Variants in SLC39A10 observed in about 807,000 individuals in gnomAD.
The protein encoded by SLC39A10 is solute carrier family 39 member 10.
A neutral mutation model predicts 65.1 loss-of-function variants in SLC39A10; 13 were observed. The observed-to-expected ratio is 0.20, with a 90% CI of 0.13 to 0.32. The LOEUF is 0.32. Among genes scored for constraint, SLC39A10 ranks in the 10% least tolerant of loss-of-function variants. The pLI is 1.00. For synonymous variants in SLC39A10, 321 were observed against 342.2 expected (o/e 0.94, Z 0.68); for missense variants, 831 against 1,018.4 (o/e 0.82, Z 2.50).
intron 2 of SLC39A10, among the ~76,000 whole-genome samples, chr2:195,644,587 G>A (rs1356971371): frequency 2.0e-5 from 3 of 151,542 alleles, no homozygotes; most frequent in Admixed American, 6.6e-5. Context: ...TGATCCGCCC[G>A]CTTCGGCCTC....
Position 195,723,272 on chromosome 2 carries a change from C to T in SLC39A10, c.2147-4887C>T, listed in dbSNP as rs144159918. Among the ~76,000 whole-genome samples, 257 of 152,156 alleles carry T rather than the reference C, an allele frequency of 1.7e-3. 1 individual carries two copies. The highest frequency in any genetic ancestry group is 5.9e-3 in the African/African-American group (246 of 41,518). ...TCACTACTCTCTTTTCTGTGTTTGC[C>T]GAACTTATGTAGCTGAATTTAAGTT... On this transcript the variant is annotated intron_variant, in intron 8 of 9. Transcript: ENST00000359634.
At chr2:195,657,461 G>A in intron 1 of SLC39A10, 180 bp downstream of exon 1, 1 of 985,942 alleles carries the variant, frequency 1.0e-6, no homozygotes, top group Non-Finnish European at 1.2e-6. Context: ...AGTCGGCGGC[G>A]GCCAGCCGAA....
chr2:195,680,543 T>G lies in SLC39A10; in HGVS notation c.501T>G (p.Asp167Glu). ...KETVEVSVKS[D>E]DKHMHDHNHR... The stretch of plus-strand genomic sequence containing the variant: ...CAGTTGAAGTGTCTGTAAAATCTGA[T>G]GATAAACATATGCATGACCATAATC... Residue 167 changes from aspartate to glutamate, a missense_variant, in exon 2 of 10, where the codon GAT (aspartate) becomes GAG (glutamate). By Grantham distance (45) the Asp-to-Glu change is conservative. Around this residue, in one of 4 missense-constraint regions of SLC39A10, gnomAD observed 446 missense variants for 499.2 expected, o/e 0.89. Coordinates refer to ENST00000359634, the MANE Select transcript of SLC39A10 (RefSeq NM_020342.3). 6.2e-7 allele frequency: 1 copy of G among 1,614,164 alleles called. No homozygotes were observed. The highest frequency in any genetic ancestry group is 1.1e-5 in the South Asian group (1 of 91,076).
At chr2:195,643,750 G>A (rs1688856050) in intron 2 of SLC39A10, among the ~76,000 whole-genome samples, 1 of 152,182 alleles carries the variant, frequency 6.6e-6, no homozygotes, top group Admixed American at 6.5e-5. Context: ...CCCCAAACTG[G>A]TAAAATTCTA....
intron 1 of SLC39A10, among the ~76,000 whole-genome samples, chr2:195,676,632 A>C (rs1218025393): frequency 6.6e-6 from 1 of 151,902 alleles, no homozygotes. Flanking sequence ...CTCTTTCAGA[A>C]CTCTGTTCCA....
chr2:195,658,668 T>C (rs918892297), intron 1 of SLC39A10: 1 of 152,228 alleles, frequency 6.6e-6, no homozygotes, highest in African/African-American at 2.4e-5. Flanking sequence ...AAGACTCCTG[T>C]GTATTGTTTT....
At chr2:195,722,552 A>G (rs969002256) in intron 8 of SLC39A10, among the ~76,000 whole-genome samples, 5 of 152,332 alleles carry the variant, frequency 3.3e-5, no homozygotes, top group East Asian at 1.9e-4. Flanking sequence ...CAGATCATCT[A>G]TTCTTACTCG....
chr2:195,720,602 A>C lies in SLC39A10; in HGVS notation c.2146+2270A>C, dbSNP rs1324604648. On this transcript the variant is annotated intron_variant, in intron 8 of 9. Coordinates refer to ENST00000359634, the MANE Select transcript of SLC39A10 (RefSeq NM_020342.3). ...CATTTTGAATAGAACTTATCATATA[A>C]ATTTCTTGAAAAATCAATAACTTCT... Among the ~76,000 whole-genome samples the C allele has an allele frequency of 4.6e-5, 7 of 152,356 alleles. No homozygotes were observed. The East Asian group carries it at 1.2e-3, about 25-fold the overall frequency.
At position 195,717,155 on chromosome 2, in the gene SLC39A10, C is replaced by T. The variant is rs1050255469; in HGVS notation, c.2065+150C>T. ...GCTACAGTTTTGTGTTCAGTTGTTA[C>T]ATTTGGAGGTGTAAGGGTATAATTT... is the stretch of plus-strand genomic sequence containing the variant. On this transcript the variant is annotated intron_variant, in intron 7 of 9. Transcript: ENST00000359634. 8.8e-6 allele frequency: 9 copies of T among 1,028,280 alleles called. No homozygotes were observed. In the African/African-American group the frequency reaches 1.1e-4, roughly 13 times the overall value. 63.7% of individuals were successfully genotyped at this position (1,028,280 alleles called of 1,614,324 possible).
chr2:195,663,533 C>T (rs1221320433), intron 1 of SLC39A10, among the ~76,000 whole-genome samples: 2 of 152,118 alleles, frequency 1.3e-5, no homozygotes, highest in South Asian at 2.1e-4. Flanking sequence ...GTATAATATA[C>T]ACATAACGTA....
At chr2:195,631,144 C>T (rs1219163106) in intron 2 of SLC39A10, among the ~76,000 whole-genome samples, 1 of 151,936 alleles carries the variant, frequency 6.6e-6, no homozygotes, top group Non-Finnish European at 1.5e-5. Context: ...TGAGATCACG[C>T]CACTGCACTC....
intron 1 of SLC39A10, among the ~76,000 whole-genome samples, chr2:195,659,370 T>A (rs1160514169): frequency 6.6e-6 from 1 of 152,232 alleles, no homozygotes. Flanking sequence ...TCCCTTTTTT[T>A]GAGCACCTGA....
chr2:195,690,309 T>G (rs1263243733), intron 3 of SLC39A10, among the ~76,000 whole-genome samples: 1 of 152,198 alleles, frequency 6.6e-6, no homozygotes, highest in Non-Finnish European at 1.5e-5. Flanking sequence ...TTCCACAGTT[T>G]AGCTAATGTG....
chr2:195,711,858 T>G (rs1158165105), intron 5 of SLC39A10, among the ~76,000 whole-genome samples: 1 of 152,228 alleles, frequency 6.6e-6, no homozygotes, highest in East Asian at 1.9e-4. Context: ...TATTGTTGGC[T>G]CCTCCTTCCC....
At chr2:195,645,956 T>A (rs1236738905) in intron 2 of SLC39A10, among the ~76,000 whole-genome samples, 1 of 152,182 alleles carries the variant, frequency 6.6e-6, no homozygotes, top group African/African-American at 2.4e-5. Context: ...TCTTTGTTTG[T>A]TTTTGAGATG....
intron 2 of SLC39A10, among the ~76,000 whole-genome samples, chr2:195,649,074 C>T (rs759555865): frequency 3.3e-5 from 5 of 152,116 alleles, no homozygotes; most frequent in Non-Finnish European, 5.9e-5. Context: ...CCACCGGGCA[C>T]TGCCAGAAGC....
At chr2:195,614,699 TCA>T (rs1491494886) in intron 2 of SLC39A10, among the ~76,000 whole-genome samples, 1 of 152,212 alleles carries the variant, frequency 6.6e-6, no homozygotes, top group African/African-American at 2.4e-5. Flanking sequence ...CTGGGAAGCC[TCA>T]GTTATCTTTT....
intron 2 of SLC39A10, among the ~76,000 whole-genome samples, chr2:195,614,125 T>C (rs1305388209): frequency 6.6e-6 from 1 of 152,186 alleles, no homozygotes; most frequent in Non-Finnish European, 1.5e-5. Context: ...ACATCAATTT[T>C]CCAGAAGGCT....
chr2:195,692,367 T>C (rs1246820270), intron 3 of SLC39A10, among the ~76,000 whole-genome samples: 2 of 152,128 alleles, frequency 1.3e-5, no homozygotes, highest in Non-Finnish European at 2.9e-5. Flanking sequence ...GATTTTTTTT[T>C]CTAGTTTTGT....
Sources: gnomAD v4.1 joint callset for allele counts (sites outside exome capture counted in the v4.1 genomes callset) on GRCh38, gnomAD v4.1.1 for gene constraint, gnomAD v4.1.1 regional missense constraint, MANE v1.5 for transcripts, NCBI Gene and HGNC (gene_info 2026-07-23, HGNC 2026-07-21) for gene names.